The following DOCK3 variants were observed in gnomAD, a reference collection of about 807,000 sequenced individuals.
The protein encoded by DOCK3 is dedicator of cytokinesis protein 3.
Under a neutral mutation model 265.6 loss-of-function variants are expected in DOCK3, and 60 were observed. That is an observed-to-expected ratio of 0.23 (90% confidence interval 0.18 to 0.28). DOCK3 has a LOEUF of 0.28. Ranked by LOEUF, DOCK3 falls within the 10% of genes least tolerant of loss-of-function variation. The pLI is 1.00. For synonymous variants in DOCK3, 881 were observed against 938.0 expected, an observed-to-expected ratio of 0.94 and a Z score of 1.11; for missense variants, 1,981 against 2,594.3, an observed-to-expected ratio of 0.76 and a Z score of 5.14.
intron 19 of DOCK3, among the ~76,000 whole-genome samples, chr3:51,230,658 A>G (rs1485987023): frequency 6.6e-6 from 1 of 152,124 alleles, no homozygotes; most frequent in Non-Finnish European, 1.5e-5. Flanking sequence ...CTAGGACTAC[A>G]GGCGCGTGCC....
intron 12 of DOCK3, among the ~76,000 whole-genome samples, chr3:51,188,878 A>G (rs970325861): frequency 1.3e-5 from 2 of 151,992 alleles, no homozygotes; most frequent in African/African-American, 2.4e-5. Flanking sequence ...TATCTTTGCT[A>G]TTGTGAATAG....
At chr3:50,766,350 C>A (rs758104256) in intron 1 of DOCK3, among the ~76,000 whole-genome samples, 1 of 148,108 alleles carries the variant, frequency 6.8e-6, no homozygotes, top group Non-Finnish European at 1.5e-5. Flanking sequence ...TCAATACCCA[C>A]CTATGAGTGA....
chr3:51,145,864 C>A (rs1283391471), intron 9 of DOCK3, among the ~76,000 whole-genome samples: 3 of 152,178 alleles, frequency 2.0e-5, no homozygotes, highest in Non-Finnish European at 4.4e-5. Flanking sequence ...AGCTGTTCTA[C>A]CTTAGATCAT....
intron 22 of DOCK3, among the ~76,000 whole-genome samples, chr3:51,255,330 TG>T (rs1308185527): frequency 2.0e-5 from 3 of 152,232 alleles, no homozygotes; most frequent in Non-Finnish European, 4.4e-5. Flanking sequence ...TTGGTGAATC[TG>T]ACAGTTATGT....
At chr3:51,203,958 C>T (rs2088990620) in intron 12 of DOCK3, among the ~76,000 whole-genome samples, 1 of 152,080 alleles carries the variant, frequency 6.6e-6, no homozygotes, top group Non-Finnish European at 1.5e-5. Context: ...AATTGGCTAG[C>T]AATATGTAGA....
In DOCK3 at chr3:50,959,530, TTGTGTGTGTGTG is replaced by T. The variant is rs201803035; in HGVS notation, c.315+25471_315+25482del. Among the ~76,000 whole-genome samples, 8 of 146,172 alleles carry T rather than the reference TTGTGTGTGTGTG, an allele frequency of 5.5e-5. No individual in the cohort carries two copies. The East Asian group carries it at 8.1e-4, about 15-fold the overall frequency. The stretch of plus-strand genomic sequence containing the variant: ...GTAATCACATTTTACTCTTTTTATG[TTGTGTGTGTGTG>T]TGTGTGTGTGTGTGTGTATATATAT... On this transcript the variant is annotated intron_variant, in intron 5 of 52. Transcript: ENST00000266037.
rs145848902 is a variant in DOCK3 at position 51,033,608 on chromosome 3, A to G, written c.316-30840A>G. Among the ~76,000 whole-genome samples, 3 of 152,338 alleles carry G rather than the reference A, an allele frequency of 2.0e-5. No homozygotes were observed. In the East Asian group the frequency reaches 5.8e-4, roughly 29 times the overall value. On this transcript the variant is annotated intron_variant, in intron 5 of 52. Coordinates refer to ENST00000266037, the MANE Select transcript of DOCK3 (RefSeq NM_004947.5). ...GGATGCAATGCAACAGTTTTGACAGACATTGAGTGGAACATTTGCTCAACT... is the reference window on the plus strand; with the variant it reads ...GGATGCAATGCAACAGTTTTGACAGGCATTGAGTGGAACATTTGCTCAACT...
At chr3:51,360,799 A>T (rs927341590) in intron 47 of DOCK3, among the ~76,000 whole-genome samples, 167 bp downstream of exon 47, 2 of 152,202 alleles carry the variant, frequency 1.3e-5, no homozygotes, top group African/African-American at 4.8e-5. Context: ...TCAGTCAGTC[A>T]CTATCCTGGG....
intron 11 of DOCK3, among the ~76,000 whole-genome samples, chr3:51,160,083 T>C (rs1237842982): frequency 6.6e-6 from 1 of 152,348 alleles, no homozygotes; most frequent in East Asian, 1.9e-4. Context: ...TTTCTAAGAC[T>C]ACTCTCAGTC....
chr3:51,380,323 C>A (rs1241912221), intron 52 of DOCK3, 116 bp downstream of exon 52: 2 of 990,384 alleles, frequency 2.0e-6, no homozygotes, highest in Non-Finnish European at 2.9e-6. Flanking sequence ...CCTCTCTCCC[C>A]AGCCTGGCAG....
At chr3:51,360,485 A>C (rs749284495) in intron 46 of DOCK3, 26 bp from the exon 47 acceptor site, 124 of 1,600,382 alleles carry the variant, frequency 7.7e-5, no homozygotes, top group Admixed American at 4.0e-4. Flanking sequence ...TTTACTCTCT[A>C]TGAAGGGGCA....
Position 51,348,959 on chromosome 3 carries a change from C to G in DOCK3, c.4002+21C>G, listed in dbSNP as rs369327722. ...TTCGGGTGAGCTGTGCCCCTCCCCC[C>G]ACCCCAGCCCTGACTGGCATCAGTT... On this transcript the variant is annotated intron_variant, in intron 39 of 52. Transcript: ENST00000266037. The G allele has an allele frequency of 3.4e-5, 40 of 1,189,792 alleles. No homozygotes were observed. The Admixed American group carries it at 8.2e-4, about 24-fold the overall frequency. The allele number at this position is 1,189,792 out of a possible 1,614,324, so 73.7% of individuals were successfully genotyped here.
At chr3:50,699,533 A>G (rs919714940) in intron 1 of DOCK3, among the ~76,000 whole-genome samples, 3 of 149,274 alleles carry the variant, frequency 2.0e-5, no homozygotes, top group African/African-American at 7.4e-5. Context: ...GCTTGCTGCA[A>G]CCTCTGCCTC....
chr3:50,954,862 T>C (rs1167618258), intron 5 of DOCK3, among the ~76,000 whole-genome samples: 3 of 152,188 alleles, frequency 2.0e-5, no homozygotes, highest in African/African-American at 7.2e-5. Flanking sequence ...CTTTTGTTGC[T>C]ATTGCTTTTG....
chr3:51,240,148 T>C (rs1008508423), intron 21 of DOCK3, among the ~76,000 whole-genome samples: 23 of 152,258 alleles, frequency 1.5e-4, no homozygotes, highest in African/African-American at 5.5e-4. Flanking sequence ...TGCTGTATCT[T>C]TATTCTAATT....
At chr3:50,962,554 G>A (rs781187979) in intron 5 of DOCK3, among the ~76,000 whole-genome samples, 2 of 152,096 alleles carry the variant, frequency 1.3e-5, no homozygotes, top group Non-Finnish European at 2.9e-5. Context: ...AGCAACAATG[G>A]TTTACACCAC....
At chr3:51,017,946 G>T (rs1317627828) in intron 5 of DOCK3, among the ~76,000 whole-genome samples, 1 of 151,718 alleles carries the variant, frequency 6.6e-6, no homozygotes, top group African/African-American at 2.4e-5. Context: ...AGGCTGGAGT[G>T]CAGTGGCACG....
At chr3:51,362,496 C>A (rs200978463) in intron 48 of DOCK3, 31 bp from the exon 49 acceptor site, 2 of 1,611,188 alleles carry the variant, frequency 1.2e-6, no homozygotes, top group Admixed American at 1.7e-5. Flanking sequence ...CCATTCAGAC[C>A]TCTATCCTGC....
chr3:51,181,117 T>C (rs2087265690), intron 12 of DOCK3, among the ~76,000 whole-genome samples: 1 of 152,196 alleles, frequency 6.6e-6, no homozygotes, highest in Non-Finnish European at 1.5e-5. Flanking sequence ...CATGTACAAG[T>C]TGTAAAAGAA....
Sources: allele counts gnomAD v4.1 joint callset (sites outside exome capture counted in the v4.1 genomes callset), GRCh38; gene constraint gnomAD v4.1.1; transcripts MANE v1.5; gene names NCBI Gene and HGNC (gene_info 2026-07-23, HGNC 2026-07-21).